IQCE: variants seen among roughly 807,000 people sequenced by gnomAD.
IQCE encodes the protein IQ motif containing E.
A neutral mutation model predicts 96.0 loss-of-function variants in IQCE; 115 were observed. That is an observed-to-expected ratio of 1.20 (90% CI 1.03 to 1.40). The LOEUF (loss-of-function observed/expected upper bound fraction) is 1.40, where lower values mean the gene tolerates loss of function less well. Among genes scored for constraint, IQCE ranks in the 40% most tolerant of loss-of-function variants. IQCE has a pLI of 0.00. For synonymous variants in IQCE, 412 were observed against 371.2 expected, an observed-to-expected ratio of 1.11 and a Z score of -1.26; for missense variants, 1,041 against 909.1, an observed-to-expected ratio of 1.15 and a Z score of -1.87.
chr7:2,589,997 C>T lies in IQCE; in HGVS notation c.1135C>T (p.His379Tyr), dbSNP rs1783456180. Residue 379 changes from histidine (H) to tyrosine (Y), a missense_variant, in exon 14 of 22, where the codon CAC (histidine) becomes TAC (tyrosine). His to Tyr is a moderately conservative substitution (Grantham distance 83). Transcript: ENST00000402050. The part of the protein sequence containing the change: ...PACLASSSAL[H>Y]RQPRGDRNKD... Reference sequence around the variant, plus strand: ...CTGCCTTGCATCCAGCTCTGCGCTGCACAGACAGCCACGAGGGGACCGCAA... The same window carrying T: ...CTGCCTTGCATCCAGCTCTGCGCTGTACAGACAGCCACGAGGGGACCGCAA... 3.7e-6 allele frequency: 6 copies of T among 1,613,796 alleles called. No homozygotes were observed. Among genetic ancestry groups the T allele is most frequent in the African/African-American group, 1.3e-5 (1 of 74,944 alleles).
At chr7:2,596,649 G>A (rs1021951622) in intron 16 of IQCE, among the ~76,000 whole-genome samples, 1 of 152,178 alleles carries the variant, frequency 6.6e-6, no homozygotes, top group East Asian at 1.9e-4. Context: ...ATTTATAAGC[G>A]TGTGAAAATT....
At chr7:2,594,117 G>A (rs1017035042) in intron 15 of IQCE, among the ~76,000 whole-genome samples, 8 of 152,072 alleles carry the variant, frequency 5.3e-5, no homozygotes, top group Non-Finnish European at 1.2e-4. Flanking sequence ...AAAATTAGCC[G>A]GGCACAGTGA....
chr7:2,571,559 C>G lies in IQCE; in HGVS notation c.164C>G (p.Ala55Gly). Residue 55 changes from alanine to glycine, a missense_variant, in exon 4 of 22, where the codon GCC becomes GGC. Ala to Gly is a moderately conservative substitution (Grantham distance 60). Transcript: ENST00000402050. ...SPYLSKPRKV[A>G]SWRSLRTAGS... is the part of the protein sequence containing the mutation. ...TATCTCTCTAAGCCGAGAAAAGTGG[C>G]CTCCTGGAGGTCCCTCAGGACGGCA... 12 of 1,605,842 alleles carry G rather than the reference C, an allele frequency of 7.5e-6. No homozygotes were observed. The highest frequency in any genetic ancestry group is 1.0e-5 in the Non-Finnish European group (12 of 1,179,972).
intron 1 of IQCE, among the ~76,000 whole-genome samples, chr7:2,560,653 A>AT (rs1025657731): frequency 6.6e-6 from 1 of 151,976 alleles, no homozygotes; most frequent in African/African-American, 2.4e-5. Context: ...ATTTTTTATT[A>AT]TTTTTTTAAG....
chr7:2,575,850 C>G (rs1043030631), intron 6 of IQCE, among the ~76,000 whole-genome samples: 3 of 152,180 alleles, frequency 2.0e-5, no homozygotes. Context: ...GCTGGCCCCC[C>G]GGCTCCCGGC....
intron 16 of IQCE, among the ~76,000 whole-genome samples, chr7:2,595,950 C>G (rs977442228): frequency 6.6e-6 from 1 of 152,270 alleles, no homozygotes; most frequent in Non-Finnish European, 1.5e-5. Flanking sequence ...GCTGCCTGCA[C>G]TTGCACTTCT....
chr7:2,559,187 C>A lies in IQCE; in HGVS notation c.6C>A (p.Phe2Leu). The A allele has an allele frequency of 3.3e-6, 4 of 1,215,914 alleles. No individual in the cohort carries two copies. The highest frequency in any genetic ancestry group is 4.1e-6 in the Non-Finnish European group (4 of 976,964). 75.3% of individuals were successfully genotyped at this position (1,215,914 alleles called of 1,614,324 possible). A position where few individuals can be genotyped will look rare whatever the true frequency, so the allele number is the denominator to read the frequency against. ...GGCCGGGCAGCGCCGCCACCATGTT[C>A]CTGGGCACCGGGGAGCCGGCCTTGG... MFLGTGEPALDT... is the reference protein window; with the variant it reads MLLGTGEPALDT... Residue 2 changes from phenylalanine (F) to leucine (L), a missense_variant, in exon 1 of 22, where the codon TTC becomes TTA. Phe to Leu is a conservative substitution (Grantham distance 22, BLOSUM62 0). Transcript: ENST00000402050.
intron 19 of IQCE, 53 bp downstream of exon 19, chr7:2,605,044 C>T (rs1784696883): frequency 9.3e-6 from 12 of 1,285,928 alleles, no homozygotes; most frequent in East Asian, 2.4e-5. Flanking sequence ...CTGCTCGTCT[C>T]GCACTCCATC....
chr7:2,572,223 C>T lies in IQCE; in HGVS notation c.291C>T (p.Leu97=). 6.2e-7 allele frequency: 1 copy of T among 1,614,198 alleles called. No homozygotes were observed. The highest frequency in any genetic ancestry group is 8.5e-7 in the Non-Finnish European group (1 of 1,180,014). Residue 97 remains leucine (L), a synonymous_variant, in exon 5 of 22, where the codon CTC becomes CTT. Transcript: ENST00000402050. ...TGACCCAGGCCCTGAACTCACCCCT[C>T]ACCTGGGAGCATGCGTGGACTGGCG... is the stretch of plus-strand genomic sequence containing the variant. ...GSLTQALNSP[L]TWEHAWTGVP...
At chr7:2,606,996 G>T (rs1784881265) in intron 20 of IQCE, 128 bp from the exon 21 acceptor site, 1 of 835,644 alleles carries the variant, frequency 1.2e-6, no homozygotes. Context: ...GTGGGGCTCG[G>T]GACTGGCTCT....
intron 11 of IQCE, among the ~76,000 whole-genome samples, chr7:2,585,460 C>G (rs560743718): frequency 1.3e-5 from 2 of 152,342 alleles, no homozygotes; most frequent in African/African-American, 4.8e-5. Flanking sequence ...CTGGCCTGAA[C>G]GAGGCTTCTT....
At chr7:2,562,854 T>TC (rs1781068619) in intron 1 of IQCE, among the ~76,000 whole-genome samples, 1 of 149,274 alleles carries the variant, frequency 6.7e-6, no homozygotes, top group Non-Finnish European at 1.5e-5. Context: ...GATCTTTCTT[T>TC]CTTTTTTTTT....
intron 15 of IQCE, 34 bp from the exon 16 acceptor site, chr7:2,594,852 G>A (rs756914235): frequency 2.0e-6 from 3 of 1,473,140 alleles, no homozygotes; most frequent in East Asian, 4.5e-5. Context: ...ATAGTGACAG[G>A]TGAGGTGTCT....
intron 17 of IQCE, 91 bp downstream of exon 17, chr7:2,598,723 A>C: frequency 1.7e-6 from 2 of 1,148,616 alleles, no homozygotes; most frequent in Non-Finnish European, 2.3e-6. Flanking sequence ...CTGGGCCTGG[A>C]GGGCCAGCCA....
intron 1 of IQCE, among the ~76,000 whole-genome samples, chr7:2,562,500 T>G (rs1015890991): frequency 6.6e-6 from 1 of 152,050 alleles, no homozygotes; most frequent in African/African-American, 2.4e-5. Context: ...AGCATTGGTA[T>G]TAATTTCTCT....
At chr7:2,586,009 G>A (rs912310170) in intron 11 of IQCE, among the ~76,000 whole-genome samples, 199 bp from the exon 12 acceptor site, 10 of 108,364 alleles carry the variant, frequency 9.2e-5, no homozygotes, top group Admixed American at 2.0e-4. Context: ...TAAGGATGGG[G>A]TTCCATTTTG....
chr7:2,569,434 C>T (rs960028189), intron 3 of IQCE, among the ~76,000 whole-genome samples: 1 of 152,146 alleles, frequency 6.6e-6, no homozygotes, highest in Non-Finnish European at 1.5e-5. Flanking sequence ...GGCAAGTTCA[C>T]CTTTTTCCCC....
At chr7:2,589,739 A>G (rs1783430914) in intron 13 of IQCE, among the ~76,000 whole-genome samples, 168 bp from the exon 14 acceptor site, 1 of 152,140 alleles carries the variant, frequency 6.6e-6, no homozygotes, top group South Asian at 2.1e-4. Context: ...ATGCTCTTCC[A>G]GTAGCTTGTG....
At chr7:2,586,725 CAGGA>C (rs1783146733) in intron 12 of IQCE, among the ~76,000 whole-genome samples, 1 of 152,094 alleles carries the variant, frequency 6.6e-6, no homozygotes, top group South Asian at 2.1e-4. Flanking sequence ...GCAGGGTTGA[CAGGA>C]AGGCACCCCC....
Sources: gnomAD v4.1 joint callset for allele counts (sites outside exome capture counted in the v4.1 genomes callset) on GRCh38, gnomAD v4.1.1 for gene constraint, MANE v1.5 for transcripts, NCBI Gene and HGNC (gene_info 2026-07-23, HGNC 2026-07-21) for gene names.